The following MOSMO variants were observed in gnomAD, a reference collection of about 807,000 sequenced individuals.
MOSMO encodes modulator of smoothened protein.
In MOSMO, 5 loss-of-function variants were observed where a neutral mutation model predicts 18.4. That is an observed-to-expected ratio of 0.27 (90% CI 0.14 to 0.57). The LOEUF (loss-of-function observed/expected upper bound fraction) is 0.57. MOSMO is among the 20% of genes least tolerant of loss of function. MOSMO has a pLI of 0.92. For synonymous variants in MOSMO, 82 were observed against 82.3 expected, an observed-to-expected ratio of 1.00 and a Z score of 0.02; for missense variants, 138 against 211.8, an observed-to-expected ratio of 0.65 and a Z score of 2.16.
chr16:22,025,623 A>C (rs1899860339), intron 1 of MOSMO, among the ~76,000 whole-genome samples: 1 of 152,192 alleles, frequency 6.6e-6, no homozygotes, highest in Non-Finnish European at 1.5e-5. Flanking sequence ...TTATCAAGTA[A>C]CTTTTCAACA....
intron 1 of MOSMO, among the ~76,000 whole-genome samples, chr16:22,051,611 A>G (rs1234730585): frequency 9.9e-5 from 15 of 152,120 alleles, no homozygotes; most frequent in Admixed American, 7.9e-4. Flanking sequence ...CTCTTCATCT[A>G]TATCCTTTGT....
At chr16:22,059,663 A>G (rs909965122) in intron 1 of MOSMO, among the ~76,000 whole-genome samples, 2 of 152,190 alleles carry the variant, frequency 1.3e-5, no homozygotes, top group African/African-American at 4.8e-5. Flanking sequence ...ACTACCAAAC[A>G]CTTATAAAAC....
At chr16:22,046,809 A>AT (rs1453429260) in intron 1 of MOSMO, among the ~76,000 whole-genome samples, 1 of 152,086 alleles carries the variant, frequency 6.6e-6, no homozygotes, top group Non-Finnish European at 1.5e-5. Flanking sequence ...TGTGACTCAA[A>AT]TTTTTTTGCC....
intron 1 of MOSMO, among the ~76,000 whole-genome samples, chr16:22,025,798 T>C (rs1899863769): frequency 2.0e-5 from 3 of 152,216 alleles, no homozygotes; most frequent in Admixed American, 1.3e-4. Flanking sequence ...GGGAATGATT[T>C]ACCTGGCATT....
downstream of MOSMO, among the ~76,000 whole-genome samples, chr16:22,088,262 C>T: frequency 6.6e-6 from 1 of 152,214 alleles, no homozygotes; most frequent in Middle Eastern, 3.2e-3. Flanking sequence ...CCAGTCTCCT[C>T]CTGCCTTGGC....
chr16:22,061,808 C>T (rs1423960535), intron 1 of MOSMO, among the ~76,000 whole-genome samples: 1 of 152,134 alleles, frequency 6.6e-6, no homozygotes, highest in Non-Finnish European at 1.5e-5. Context: ...CAAATGTAAG[C>T]TAATTAATGA....
At chr16:22,014,312 A>C (rs940420327) in intron 1 of MOSMO, among the ~76,000 whole-genome samples, 2 of 152,216 alleles carry the variant, frequency 1.3e-5, no homozygotes, top group African/African-American at 2.4e-5. Flanking sequence ...TCCATTGCTC[A>C]TGGATAATAA....
At position 22,008,228 on chromosome 16, in the gene MOSMO, G is replaced by A. The variant is rs1899428914; in HGVS notation, c.-74G>A. The A allele has an allele frequency of 3.6e-6, 3 of 841,406 alleles. No homozygotes were observed. Among genetic ancestry groups the A allele is most frequent in the Admixed American group, 3.5e-5 (1 of 28,972 alleles). 52.1% of individuals were successfully genotyped at this position (841,406 alleles called of 1,614,324 possible). On this transcript the variant is annotated 5_prime_UTR_variant, in exon 1 of 3. Transcript: ENST00000542527. ...GGCGCGGGGACTCCGGGCCCCGGCG[G>A]CGGCCCATGGGGCGGGAGGCGTGAG...
At chr16:22,067,832 A>G (rs1156257056) in intron 1 of MOSMO, among the ~76,000 whole-genome samples, 1 of 152,062 alleles carries the variant, frequency 6.6e-6, no homozygotes, top group African/African-American at 2.4e-5. Context: ...GTGAGCCAAG[A>G]TCGTGCCACT....
chr16:22,018,142 T>C (rs1410790255), intron 1 of MOSMO, among the ~76,000 whole-genome samples: 3 of 152,174 alleles, frequency 2.0e-5, no homozygotes, highest in Non-Finnish European at 4.4e-5. Context: ...TGCCGTTGTA[T>C]ATATTGAGCA....
intron 1 of MOSMO, among the ~76,000 whole-genome samples, chr16:22,052,802 ATGT>A (rs1388134536): frequency 6.6e-6 from 1 of 152,166 alleles, no homozygotes; most frequent in African/African-American, 2.4e-5. Context: ...AACATTAAAC[ATGT>A]TGTTTAGGGG....
intron 1 of MOSMO, among the ~76,000 whole-genome samples, chr16:22,042,707 C>T (rs1326562187): frequency 6.6e-6 from 1 of 152,194 alleles, no homozygotes; most frequent in Non-Finnish European, 1.5e-5. Flanking sequence ...CAAGCGAATT[C>T]AGTACTCTGG....
intron 1 of MOSMO, among the ~76,000 whole-genome samples, chr16:22,016,386 T>C (rs1899637370): frequency 6.6e-6 from 1 of 152,222 alleles, no homozygotes; most frequent in African/African-American, 2.4e-5. Context: ...TTTTTAGTGT[T>C]TCCCTTTTGT....
intron 1 of MOSMO, among the ~76,000 whole-genome samples, chr16:22,011,683 A>T (rs541464345): frequency 2.6e-5 from 4 of 152,180 alleles, no homozygotes; most frequent in Non-Finnish European, 4.4e-5. Flanking sequence ...TTTTTTTTCT[A>T]AAAGTTTTCC....
At chr16:22,046,572 C>T (rs938336210) in intron 1 of MOSMO, among the ~76,000 whole-genome samples, 1 of 152,164 alleles carries the variant, frequency 6.6e-6, no homozygotes, top group African/African-American at 2.4e-5. Flanking sequence ...TTCCCTAACA[C>T]ACATATTTTC....
intron 1 of MOSMO, among the ~76,000 whole-genome samples, chr16:22,021,553 C>A (rs1045378960): frequency 6.6e-6 from 1 of 152,090 alleles, no homozygotes; most frequent in African/African-American, 2.4e-5. Context: ...TCCCAACACT[C>A]TGGGAGGCCG....
At chr16:22,058,380 C>G (rs1364279781) in intron 1 of MOSMO, among the ~76,000 whole-genome samples, 1 of 149,568 alleles carries the variant, frequency 6.7e-6, no homozygotes, top group Non-Finnish European at 1.5e-5. Context: ...GAGCCGAGAT[C>G]GCGCCACTGC....
At chr16:22,060,600 C>T (rs910832342) in intron 1 of MOSMO, among the ~76,000 whole-genome samples, 10 of 152,080 alleles carry the variant, frequency 6.6e-5, no homozygotes, top group South Asian at 2.1e-4. Flanking sequence ...TGGCCGGGCA[C>T]GGTGGCTCAC....
intron 1 of MOSMO, among the ~76,000 whole-genome samples, chr16:22,038,888 CTGACATGGGAGAAAGCAA>C (rs1287821532): frequency 4.6e-5 from 7 of 152,218 alleles, no homozygotes; most frequent in South Asian, 2.1e-4. Context: ...TCATCCAAAA[CTGACATGGGAGAAAGCAA>C]TGACATGGGA....
Sources: gnomAD v4.1 joint callset for allele counts (sites outside exome capture counted in the v4.1 genomes callset) on GRCh38, gnomAD v4.1.1 for gene constraint, MANE v1.5 for transcripts, NCBI Gene and HGNC (gene_info 2026-07-23, HGNC 2026-07-21) for gene names.